The following MAF variants were observed in gnomAD, a reference collection of about 807,000 sequenced individuals.
MAF encodes the protein MAF bZIP transcription factor.
MAF carries 10 observed loss-of-function variants against 22.0 expected under a neutral mutation model. The ratio of observed to expected loss-of-function variants is 0.45; its 90% CI spans 0.28 to 0.77. The LOEUF is 0.77. Ranked by LOEUF, MAF falls within the 30% of genes least tolerant of loss-of-function variation. The pLI, the probability that MAF is intolerant of heterozygous loss-of-function variation, is 0.12. For synonymous variants in MAF, 337 were observed against 255.8 expected (o/e 1.32, Z -3.03); for missense variants, 544 against 548.4 (o/e 0.99, Z 0.08).
the MAF span, among the ~76,000 whole-genome samples, chr16:79,420,540 C>T: frequency 6.6e-6 from 1 of 151,996 alleles, no homozygotes; most frequent in Non-Finnish European, 1.5e-5. Context: ...CACTGCTGCC[C>T]CCCTCCCCCT....
chr16:79,389,296 C>G, the MAF span, among the ~76,000 whole-genome samples: 1 of 152,308 alleles, frequency 6.6e-6, no homozygotes, highest in Admixed American at 6.5e-5. Flanking sequence ...GAGTCTCACT[C>G]TGTTGCCCAG....
the MAF span, among the ~76,000 whole-genome samples, chr16:79,314,304 A>C: frequency 0.012 from 1,752 of 152,246 alleles, 24 homozygotes; most frequent in African/African-American, 0.04. Flanking sequence ...CACTCTCCCA[A>C]AGTCCCTCAG....
At chr16:79,342,881 T>C in the MAF span, among the ~76,000 whole-genome samples, 1 of 152,154 alleles carries the variant, frequency 6.6e-6, no homozygotes, top group African/African-American at 2.4e-5. Context: ...TTCATGGGGT[T>C]CTAGGCCTCC....
the MAF span, among the ~76,000 whole-genome samples, chr16:79,220,488 A>C: frequency 2.0e-5 from 3 of 152,210 alleles, 1 homozygote; most frequent in African/African-American, 7.2e-5. Flanking sequence ...AAACTAAGTA[A>C]ATTATTTTAA....
At chr16:79,296,137 A>T in the MAF span, among the ~76,000 whole-genome samples, 1 of 152,174 alleles carries the variant, frequency 6.6e-6, no homozygotes, top group Admixed American at 6.5e-5. Context: ...GTAAAATGGG[A>T]TTATAGTAAA....
chr16:79,446,453 C>T, the MAF span, among the ~76,000 whole-genome samples: 1 of 152,134 alleles, frequency 6.6e-6, no homozygotes, highest in African/African-American at 2.4e-5. Flanking sequence ...CACCCTTTCA[C>T]CTCTAGAAGT....
the MAF span, among the ~76,000 whole-genome samples, chr16:79,550,191 T>C: frequency 6.6e-6 from 1 of 152,084 alleles, no homozygotes; most frequent in Admixed American, 6.5e-5. Context: ...GCTTGATGAA[T>C]GGGTGACCAT....
the MAF span, among the ~76,000 whole-genome samples, chr16:79,357,166 G>A: frequency 6.6e-6 from 1 of 152,160 alleles, no homozygotes; most frequent in Non-Finnish European, 1.5e-5. Context: ...TGAGGCAGGA[G>A]AATTGCTTGA....
the MAF span, among the ~76,000 whole-genome samples, chr16:79,474,979 G>C: frequency 1.3e-5 from 2 of 152,216 alleles, no homozygotes; most frequent in Non-Finnish European, 2.9e-5. Flanking sequence ...CCCATGCTTT[G>C]TAGACACTGT....
At chr16:79,453,051 A>G in the MAF span, among the ~76,000 whole-genome samples, 2 of 152,354 alleles carry the variant, frequency 1.3e-5, no homozygotes, top group South Asian at 2.1e-4. Flanking sequence ...TTGGGATGGA[A>G]AAACGATATA....
chr16:79,290,026 T>G, the MAF span, among the ~76,000 whole-genome samples: 3 of 151,920 alleles, frequency 2.0e-5, no homozygotes, highest in Admixed American at 6.6e-5. Context: ...CCAACTAATT[T>G]TTGTATTTTT....
At chr16:79,420,844 A>T in the MAF span, among the ~76,000 whole-genome samples, 4 of 152,202 alleles carry the variant, frequency 2.6e-5, no homozygotes, top group African/African-American at 9.6e-5. Context: ...AGCCTGTCCA[A>T]CGTGGAGAAA....
chr16:79,470,981 T>C, the MAF span, among the ~76,000 whole-genome samples: 1 of 152,248 alleles, frequency 6.6e-6, no homozygotes, highest in African/African-American at 2.4e-5. Flanking sequence ...ATGGTAGCAA[T>C]GAAAGCTACC....
the MAF span, among the ~76,000 whole-genome samples, chr16:79,391,825 G>A: frequency 1.5e-4 from 23 of 151,368 alleles, no homozygotes; most frequent in African/African-American, 5.6e-4. Flanking sequence ...TCCCAGTAAT[G>A]AGGCATGGGA....
the MAF span, among the ~76,000 whole-genome samples, chr16:79,225,931 A>G: frequency 3.3e-5 from 5 of 152,124 alleles, no homozygotes; most frequent in East Asian, 7.7e-4. Context: ...ACTGTTGGTG[A>G]GAGTGTAAAT....
At chr16:79,598,626 T>A in intron 1 of MAF, 159 bp downstream of exon 1, 1 of 1,506,622 alleles carries the variant, frequency 6.6e-7, no homozygotes, top group Admixed American at 2.0e-5. Flanking sequence ...TGCGTGCGGG[T>A]TTGTGTGTGT....
chr16:79,480,273 T>C, the MAF span, among the ~76,000 whole-genome samples: 1 of 152,182 alleles, frequency 6.6e-6, no homozygotes, highest in Non-Finnish European at 1.5e-5. Context: ...TCGGTTTCAA[T>C]TATTTTCCGG....
At chr16:79,415,684 T>C in the MAF span, among the ~76,000 whole-genome samples, 1 of 151,724 alleles carries the variant, frequency 6.6e-6, no homozygotes, top group Non-Finnish European at 1.5e-5. Context: ...CCTCCACCCC[T>C]CCCTTCTGCT....
the MAF span, chr16:79,211,847 C>T: frequency 6.2e-7 from 1 of 1,609,898 alleles, no homozygotes; most frequent in South Asian, 1.1e-5. Flanking sequence ...TGTGTCCCCT[C>T]ACGCAAGTGC....
Sources: allele counts gnomAD v4.1 joint callset (sites outside exome capture counted in the v4.1 genomes callset), GRCh38; gene constraint gnomAD v4.1.1; transcripts MANE v1.5; gene names NCBI Gene and HGNC (gene_info 2026-07-23, HGNC 2026-07-21).